The following CNTNAP4 variants were observed in gnomAD, a reference collection of about 807,000 sequenced individuals.
The protein encoded by CNTNAP4 is contactin associated protein family member 4, also known as contactin-associated protein-like 4.
In CNTNAP4, 98 loss-of-function variants were observed where a neutral mutation model predicts 148.4. That is an observed-to-expected ratio of 0.66 (90% CI 0.56 to 0.78). The LOEUF is 0.78. CNTNAP4 is among the 30% of genes least tolerant of loss of function. The pLI, the probability that CNTNAP4 is intolerant of heterozygous loss-of-function variation, is 0.00. For synonymous variants in CNTNAP4, 730 were observed against 565.1 expected (o/e 1.29, Z -4.14); for missense variants, 1,935 against 1,565.6 (o/e 1.24, Z -3.98).
chr16:76,508,174 T>A (rs4384621), intron 15 of CNTNAP4, among the ~76,000 whole-genome samples: 18,015 of 97,138 alleles, frequency 0.19, 5,346 homozygotes, highest in African/African-American at 0.37. Context: ...ATAAAGAGAA[T>A]GATTTAATAT....
intron 12 of CNTNAP4, among the ~76,000 whole-genome samples, chr16:76,487,273 T>C (rs1333773610): frequency 6.6e-6 from 1 of 152,212 alleles, no homozygotes; most frequent in African/African-American, 2.4e-5. Context: ...GTTTGTTTAT[T>C]CCCTCATTTC....
intron 3 of CNTNAP4, among the ~76,000 whole-genome samples, chr16:76,398,592 A>G (rs1038998328): frequency 1.3e-5 from 2 of 152,122 alleles, no homozygotes; most frequent in Non-Finnish European, 2.9e-5. Context: ...TTCACTAGGT[A>G]GTAGGGTATA....
intron 3 of CNTNAP4, among the ~76,000 whole-genome samples, chr16:76,388,265 G>C (rs2016678291): frequency 1.3e-5 from 2 of 152,146 alleles, no homozygotes; most frequent in African/African-American, 4.8e-5. Context: ...GCAGCATCGT[G>C]GAGTGCCAGG....
At position 76,346,817 on chromosome 16, in the gene CNTNAP4, G is replaced by A. The variant is rs74319227; in HGVS notation, c.197-8501G>A. The stretch of plus-strand genomic sequence containing the variant: ...GCAAATCAAATACACAAATCAAAAT[G>A]CCTGCATAGATAAAGCTTGTAAATA... On this transcript the variant is annotated intron_variant, in intron 2 of 23. Coordinates refer to ENST00000611870, the MANE Select transcript of CNTNAP4 (RefSeq NM_033401.5). 6.4e-4 allele frequency among the ~76,000 whole-genome samples: 97 copies of A among 152,224 alleles called. No homozygotes were observed. The East Asian group carries it at 0.015, about 23-fold the overall frequency.
In CNTNAP4 at chr16:76,558,529, C is replaced by G; in HGVS notation, c.3773C>G (p.Thr1258Ser). 1.2e-6 allele frequency: 2 copies of G among 1,610,850 alleles called. No homozygotes were observed. The highest frequency in any genetic ancestry group is 8.5e-7 in the Non-Finnish European group (1 of 1,177,466). ...AVVIFILLCI[T>S]AIAVRIYQQK... is the part of the protein sequence containing the mutation. Reference sequence around the variant, plus strand: ...GTGATTTTTATCTTGCTTTGCATCACTGCCATAGCTGTTCGCATTTATCAG... The same window carrying G: ...GTGATTTTTATCTTGCTTTGCATCAGTGCCATAGCTGTTCGCATTTATCAG... Residue 1258 changes from threonine (T) to serine (S), a missense_variant, in exon 24 of 24, where the codon ACT (threonine) becomes AGT (serine). Transcript: ENST00000611870.
chr16:76,526,075 G>A (rs892277031), intron 17 of CNTNAP4, among the ~76,000 whole-genome samples: 16 of 152,132 alleles, frequency 1.1e-4, no homozygotes, highest in Middle Eastern at 3.4e-3. Context: ...GCAGTGATTT[G>A]TGTTGGGGAC....
At chr16:76,537,068 T>A (rs1056601333) in intron 18 of CNTNAP4, among the ~76,000 whole-genome samples, 1 of 152,216 alleles carries the variant, frequency 6.6e-6, no homozygotes, top group African/African-American at 2.4e-5. Context: ...ATCATAATCA[T>A]ATACTGCTGG....
At chr16:76,545,381 T>A (rs1038416381) in intron 21 of CNTNAP4, among the ~76,000 whole-genome samples, 2 of 152,114 alleles carry the variant, frequency 1.3e-5, no homozygotes, top group Non-Finnish European at 2.9e-5. Context: ...CAAAAAGTAT[T>A]CATGACGTTG....
chr16:76,330,623 A>G (rs1963418085), intron 2 of CNTNAP4, among the ~76,000 whole-genome samples: 1 of 152,240 alleles, frequency 6.6e-6, no homozygotes, highest in South Asian at 2.1e-4. Flanking sequence ...ATAATTTATG[A>G]ATTGGCTACC....
At chr16:76,301,266 G>C (rs1843063825) in intron 1 of CNTNAP4, among the ~76,000 whole-genome samples, 1 of 152,076 alleles carries the variant, frequency 6.6e-6, no homozygotes, top group South Asian at 2.1e-4. Flanking sequence ...TACTTGTAAA[G>C]CCATCATCAT....
In CNTNAP4 at chr16:76,525,859, CTATA is replaced by C. The variant is rs949422530; in HGVS notation, c.2755+3607_2755+3610del. On this transcript the variant is annotated intron_variant, in intron 17 of 23. Coordinates refer to ENST00000611870, the MANE Select transcript of CNTNAP4 (RefSeq NM_033401.5). ...TAACTATATATAATTACATATATAA[CTATA>C]TATAAACTATGTAACTATAGTTTTT... is the stretch of plus-strand genomic sequence containing the variant. 1.7e-4 allele frequency among the ~76,000 whole-genome samples: 25 copies of C among 147,540 alleles called. No individual in the cohort carries two copies. In the East Asian group the frequency reaches 1.8e-3, roughly 10 times the overall value.
chr16:76,330,986 A>G (rs146583097), intron 2 of CNTNAP4, among the ~76,000 whole-genome samples: 3 of 152,344 alleles, frequency 2.0e-5, no homozygotes, highest in African/African-American at 4.8e-5. Flanking sequence ...TTATTTTACT[A>G]AAGTTTTTAA....
chr16:76,544,257 CT>C (rs1371491541), intron 21 of CNTNAP4, among the ~76,000 whole-genome samples: 1 of 151,196 alleles, frequency 6.6e-6, no homozygotes, highest in African/African-American at 2.4e-5. Context: ...CAACAAACGA[CT>C]TAAGTATATA....
In CNTNAP4 at chr16:76,449,750, A is replaced by T; in HGVS notation, c.963A>T (p.Ser321=). The T allele has an allele frequency of 6.3e-7, 1 of 1,596,164 alleles. No homozygotes were observed. Among genetic ancestry groups the T allele is most frequent in the Non-Finnish European group, 8.5e-7 (1 of 1,170,280 alleles). ...GAGGGATTCCAGCACCTGGAAAATC[A>T]GTGTCATTCCCACATAGAAATTTTC... The part of the protein sequence containing the change: ...SFGGIPAPGK[S]VSFPHRNFHG... The change falls in exon 7 of 24, where the codon TCA becomes TCT. Residue 321 remains serine (S), a synonymous_variant. Transcript: ENST00000611870.
chr16:76,376,965 A>C, intron 3 of CNTNAP4, among the ~76,000 whole-genome samples: 1 of 149,714 alleles, frequency 6.7e-6, no homozygotes, highest in Non-Finnish European at 1.5e-5. Flanking sequence ...ACACATATAC[A>C]TACATGTATG....
At position 76,506,733 on chromosome 16, in the gene CNTNAP4, A is replaced by G. The variant is rs1190525923; in HGVS notation, c.2365+8039A>G. Among the ~76,000 whole-genome samples, 2 of 94,402 alleles carry G rather than the reference A, an allele frequency of 2.1e-5. 1 individual carries two copies. Among genetic ancestry groups the G allele is most frequent in the Admixed American group, 2.1e-4 (2 of 9,496 alleles). 61.9% of individuals were successfully genotyped at this position (94,402 alleles called of 152,430 possible). On this transcript the variant is annotated intron_variant, in intron 15 of 23. Transcript: ENST00000611870. ...TGATCTGCCCACCTCGGCCTCCCAC[A>G]GTGCTAGGACTACAGGCATGAGCCA...
intron 3 of CNTNAP4, among the ~76,000 whole-genome samples, chr16:76,420,964 C>A (rs4243119): frequency 0.78 from 118,032 of 151,842 alleles, 46,420 homozygotes; most frequent in Non-Finnish European, 0.84. Context: ...TCGTACATAT[C>A]ATATCCTAAT....
rs567072506 is a variant in CNTNAP4, at chr16:76,285,453, G to A, written c.85+7706G>A. 3.4e-4 allele frequency among the ~76,000 whole-genome samples: 51 copies of A among 152,144 alleles called. 1 individual carries two copies. In the South Asian group the frequency reaches 9.9e-3, roughly 30 times the overall value. The stretch of plus-strand genomic sequence containing the variant: ...AAATCACAACGGAAAAAAATGGTGT[G>A]ATATTATCAGTTGGCCTATAGCTCT... On this transcript the variant is annotated intron_variant, in intron 1 of 23. Transcript: ENST00000611870.
intron 2 of CNTNAP4, among the ~76,000 whole-genome samples, chr16:76,328,685 T>C (rs1459828358): frequency 6.6e-6 from 1 of 152,136 alleles, no homozygotes; most frequent in East Asian, 1.9e-4. Context: ...TGCTCTTGTT[T>C]CCCATGCTGG....
Sources: allele counts gnomAD v4.1 joint callset (sites outside exome capture counted in the v4.1 genomes callset), GRCh38; gene constraint gnomAD v4.1.1; transcripts MANE v1.5; gene names NCBI Gene and HGNC (gene_info 2026-07-23, HGNC 2026-07-21).